Variants in LRMDA observed in about 807,000 individuals in gnomAD.
LRMDA encodes leucine-rich melanocyte differentiation-associated protein.
In LRMDA, 18 loss-of-function variants were observed where a neutral mutation model predicts 29.8. That is an observed-to-expected ratio of 0.60 (90% confidence interval 0.42 to 0.90). LRMDA has a LOEUF of 0.90. LRMDA is among the 40% of genes least tolerant of loss of function. The probability of loss-of-function intolerance (pLI) is 0.00; values close to 1 mark genes in which losing one functional copy is unlikely to be tolerated. For synonymous variants in LRMDA, 125 were observed against 109.4 expected (o/e 1.14, Z -0.89); for missense variants, 273 against 273.9 (o/e 1.00, Z 0.02).
At chr10:76,518,236 C>G (rs572660215) in intron 6 of LRMDA, among the ~76,000 whole-genome samples, 1 of 151,958 alleles carries the variant, frequency 6.6e-6, no homozygotes, top group Admixed American at 6.6e-5. Flanking sequence ...ATATATCTGT[C>G]TATCTACCTA....
chr10:75,671,887 A>G (rs529497190), intron 2 of LRMDA, among the ~76,000 whole-genome samples: 6 of 152,236 alleles, frequency 3.9e-5, no homozygotes, highest in Non-Finnish European at 8.8e-5. Flanking sequence ...TTGCTTGTGC[A>G]ATAAAGAGAT....
At chr10:75,463,686 G>A (rs1387004181) in intron 2 of LRMDA, among the ~76,000 whole-genome samples, 1 of 151,620 alleles carries the variant, frequency 6.6e-6, no homozygotes, top group Non-Finnish European at 1.5e-5. Flanking sequence ...TGTTTTTTTT[G>A]AGATGGAGTT....
intron 6 of LRMDA, among the ~76,000 whole-genome samples, chr10:76,512,626 G>C (rs1843020231): frequency 6.6e-6 from 1 of 152,096 alleles, no homozygotes; most frequent in African/African-American, 2.4e-5. Context: ...AAAATTTTTA[G>C]AAGAAAACAT....
intron 5 of LRMDA, among the ~76,000 whole-genome samples, chr10:76,072,188 A>G (rs1848886709): frequency 6.6e-6 from 1 of 152,198 alleles, no homozygotes; most frequent in African/African-American, 2.4e-5. Flanking sequence ...CTGCCACAAG[A>G]GCAGTTCAAG....
chr10:76,216,944 T>C (rs1475146535), intron 5 of LRMDA, among the ~76,000 whole-genome samples: 3 of 152,140 alleles, frequency 2.0e-5, no homozygotes, highest in African/African-American at 7.2e-5. Context: ...TTAAAACAAG[T>C]GAAGTGGCAT....
chr10:76,386,789 A>G (rs1841665010), intron 6 of LRMDA, among the ~76,000 whole-genome samples: 1 of 152,088 alleles, frequency 6.6e-6, no homozygotes, highest in African/African-American at 2.4e-5. Flanking sequence ...AAAATAAGCT[A>G]GGAGATAATA....
chr10:75,891,610 A>G (rs1458094929), intron 2 of LRMDA, among the ~76,000 whole-genome samples: 1 of 152,202 alleles, frequency 6.6e-6, no homozygotes, highest in Non-Finnish European at 1.5e-5. Context: ...ATTGTATATT[A>G]GAGGGGAAGC....
chr10:76,050,282 C>CT (rs757840264), intron 4 of LRMDA, among the ~76,000 whole-genome samples: 4 of 152,326 alleles, frequency 2.6e-5, no homozygotes, highest in Admixed American at 2.0e-4. Context: ...TCTGTGGAGT[C>CT]TTTCCTCCCC....
chr10:76,326,406 T>G (rs7070940), intron 6 of LRMDA, among the ~76,000 whole-genome samples: 2 of 152,216 alleles, frequency 1.3e-5, no homozygotes, highest in Non-Finnish European at 2.9e-5. Context: ...TTTCTGATCA[T>G]GTACATCACG....
chr10:76,178,208 G>A (rs1444897930), intron 5 of LRMDA, among the ~76,000 whole-genome samples: 1 of 152,184 alleles, frequency 6.6e-6, no homozygotes. Context: ...AATGTAAGCA[G>A]GCATTGCTAA....
At chr10:75,554,014 T>C (rs1454515209) in intron 2 of LRMDA, among the ~76,000 whole-genome samples, 1 of 152,242 alleles carries the variant, frequency 6.6e-6, no homozygotes, top group African/African-American at 2.4e-5. Context: ...TTTTGATGGC[T>C]ACCTTTTCAA....
chr10:75,703,426 T>A (rs1194819500), intron 2 of LRMDA, among the ~76,000 whole-genome samples: 1 of 152,232 alleles, frequency 6.6e-6, no homozygotes, highest in Non-Finnish European at 1.5e-5. Context: ...CTGTAATTAG[T>A]GGTGTAATAC....
intron 2 of LRMDA, among the ~76,000 whole-genome samples, chr10:75,839,806 T>C (rs1844505006): frequency 6.6e-6 from 1 of 150,780 alleles, no homozygotes; most frequent in Admixed American, 6.6e-5. Context: ...CCTCCCAGGT[T>C]CGCGCCATTC....
chr10:76,026,552 G>A (rs1319941597), intron 2 of LRMDA, among the ~76,000 whole-genome samples: 3 of 152,158 alleles, frequency 2.0e-5, no homozygotes, highest in Non-Finnish European at 2.9e-5. Flanking sequence ...TCTATAAGAG[G>A]TCAGGGTGCA....
intron 2 of LRMDA, among the ~76,000 whole-genome samples, chr10:75,680,438 A>G (rs746661729): frequency 1.3e-5 from 2 of 152,160 alleles, no homozygotes; most frequent in African/African-American, 2.4e-5. Flanking sequence ...TGCTTATTTT[A>G]TATGGAAGTT....
intron 2 of LRMDA, among the ~76,000 whole-genome samples, chr10:75,545,564 T>C (rs1448560955): frequency 2.6e-5 from 4 of 152,152 alleles, no homozygotes; most frequent in African/African-American, 7.2e-5. Context: ...AGTTAATATA[T>C]GACAACTATG....
chr10:76,550,946 G>C (rs1049424119), intron 6 of LRMDA, among the ~76,000 whole-genome samples: 6 of 152,220 alleles, frequency 3.9e-5, no homozygotes, highest in Non-Finnish European at 8.8e-5. Context: ...CCACAGCAGA[G>C]CTGATAGCAC....
At chr10:75,935,920 A>G (rs1846283109) in intron 2 of LRMDA, among the ~76,000 whole-genome samples, 1 of 152,142 alleles carries the variant, frequency 6.6e-6, no homozygotes. Context: ...TGTGCTTGTG[A>G]TGCTTGACGG....
intron 2 of LRMDA, among the ~76,000 whole-genome samples, chr10:75,692,211 A>G (rs1354783329): frequency 5.6e-5 from 2 of 35,992 alleles, no homozygotes; most frequent in Non-Finnish European, 8.8e-5. Context: ...CTGGGGGGAA[A>G]AAAAAAAAAT....
Sources: gnomAD v4.1 joint callset for allele counts (sites outside exome capture counted in the v4.1 genomes callset) on GRCh38, gnomAD v4.1.1 for gene constraint, MANE v1.5 for transcripts, NCBI Gene and HGNC (gene_info 2026-07-23, HGNC 2026-07-21) for gene names.